LRMDA: variants seen among roughly 807,000 people sequenced by gnomAD.
LRMDA encodes the protein leucine-rich melanocyte differentiation-associated protein.
LRMDA carries 18 observed loss-of-function variants against 29.8 expected under a neutral mutation model. That is an observed-to-expected ratio of 0.60 (90% CI 0.42 to 0.90). The LOEUF is 0.90. LRMDA is among the 40% of genes least tolerant of loss of function. The pLI, the probability that LRMDA is intolerant of heterozygous loss-of-function variation, is 0.00. For missense variants in LRMDA, 273 were observed against 273.9 expected (o/e 1.00, Z 0.02); for synonymous variants, 125 against 109.4 (o/e 1.14, Z -0.89).
At chr10:75,513,466 T>C (rs1845251484) in intron 2 of LRMDA, among the ~76,000 whole-genome samples, 1 of 152,206 alleles carries the variant, frequency 6.6e-6, no homozygotes. Flanking sequence ...GGGTCTTTTA[T>C]ATGGCTGTGT....
At chr10:76,176,239 G>A (rs1162306753) in intron 5 of LRMDA, among the ~76,000 whole-genome samples, 1 of 152,174 alleles carries the variant, frequency 6.6e-6, no homozygotes, top group African/African-American at 2.4e-5. Context: ...TCCTGTACCA[G>A]CTTGGCATCC....
intron 2 of LRMDA, among the ~76,000 whole-genome samples, chr10:75,511,343 A>G (rs1046531857): frequency 3.3e-5 from 5 of 152,126 alleles, no homozygotes; most frequent in Non-Finnish European, 7.4e-5. Flanking sequence ...TCAAAAAAAC[A>G]ACAAAAAACC....
chr10:76,539,469 G>A (rs1907310), intron 6 of LRMDA, among the ~76,000 whole-genome samples: 117,674 of 152,036 alleles, frequency 0.77, 46,018 homozygotes, highest in Non-Finnish European at 0.82. Context: ...AGGAACTGGA[G>A]CTGCAAACTT....
intron 6 of LRMDA, among the ~76,000 whole-genome samples, chr10:76,435,378 C>T (rs923819291): frequency 3.9e-5 from 6 of 152,186 alleles, no homozygotes; most frequent in Non-Finnish European, 8.8e-5. Flanking sequence ...TGCTTAGATT[C>T]AGACAGGCCA....
chr10:76,436,762 A>C (rs1842249109), intron 6 of LRMDA, among the ~76,000 whole-genome samples: 1 of 152,172 alleles, frequency 6.6e-6, no homozygotes, highest in Non-Finnish European at 1.5e-5. Flanking sequence ...AATGCTGACA[A>C]GTATTCAGTA....
At chr10:76,067,670 C>T (rs1409269923) in intron 5 of LRMDA, among the ~76,000 whole-genome samples, 1 of 152,160 alleles carries the variant, frequency 6.6e-6, no homozygotes, top group South Asian at 2.1e-4. Context: ...CCAGCCCACC[C>T]CTCCCAATTC....
intron 2 of LRMDA, among the ~76,000 whole-genome samples, chr10:75,889,625 C>G (rs1845449853): frequency 6.6e-6 from 1 of 152,174 alleles, no homozygotes; most frequent in Non-Finnish European, 1.5e-5. Context: ...CAGCACACGC[C>G]TAGAACTGGC....
intron 2 of LRMDA, among the ~76,000 whole-genome samples, chr10:75,529,992 G>A (rs973772382): frequency 2.0e-5 from 3 of 151,938 alleles, no homozygotes; most frequent in African/African-American, 2.4e-5. Context: ...GATGGTGGAA[G>A]GAGAAATGAG....
intron 1 of LRMDA, among the ~76,000 whole-genome samples, chr10:75,432,889 G>C (rs1406659058): frequency 6.6e-6 from 1 of 152,128 alleles, no homozygotes; most frequent in Non-Finnish European, 1.5e-5. Flanking sequence ...CACCATGCCA[G>C]GTGTTGTTGG....
At chr10:75,948,500 G>A (rs556042474) in intron 2 of LRMDA, among the ~76,000 whole-genome samples, 1 of 152,294 alleles carries the variant, frequency 6.6e-6, no homozygotes, top group Non-Finnish European at 1.5e-5. Flanking sequence ...TGTTGTTGGT[G>A]CTGATTAAGG....
chr10:75,633,078 C>T (rs1841348114), intron 2 of LRMDA, among the ~76,000 whole-genome samples: 1 of 151,830 alleles, frequency 6.6e-6, no homozygotes, highest in Non-Finnish European at 1.5e-5. Context: ...AGCTGTCTCC[C>T]AAGGCATTGA....
chr10:75,605,576 C>T (rs1840945876), intron 2 of LRMDA, among the ~76,000 whole-genome samples: 1 of 152,222 alleles, frequency 6.6e-6, no homozygotes, highest in Non-Finnish European at 1.5e-5. Context: ...GACAGCAGGA[C>T]CCTTGTCCTA....
rs181242787 is a variant in LRMDA, at chr10:75,769,668, T to C, written c.132-266340T>C. ...TTTGTATCAAGTATCTGTTACCTTA[T>C]TTTAAAAAAATTTTAACATATCAAA... On this transcript the variant is annotated intron_variant, in intron 2 of 6. Coordinates refer to ENST00000611255, the MANE Select transcript of LRMDA (RefSeq NM_001305581.2). 2.6e-3 allele frequency among the ~76,000 whole-genome samples: 399 copies of C among 152,352 alleles called. No homozygotes were observed. In the Middle Eastern group the frequency reaches 0.027, roughly 10 times the overall value.
intron 5 of LRMDA, among the ~76,000 whole-genome samples, chr10:76,123,411 AG>A: frequency 6.6e-6 from 1 of 151,712 alleles, no homozygotes; most frequent in Non-Finnish European, 1.5e-5. Context: ...TGGGAGACTA[AG>A]GTGGGAGGAT....
At chr10:76,203,257 C>T (rs1193671239) in intron 5 of LRMDA, among the ~76,000 whole-genome samples, 1 of 152,170 alleles carries the variant, frequency 6.6e-6, no homozygotes, top group African/African-American at 2.4e-5. Flanking sequence ...TCAGCTTCTT[C>T]ACTTGTAAAA....
chr10:75,625,465 T>G (rs781479589), intron 2 of LRMDA, among the ~76,000 whole-genome samples: 20 of 152,162 alleles, frequency 1.3e-4, no homozygotes, highest in Admixed American at 3.3e-4. Context: ...TTCTCAAGAC[T>G]CCAGGCTGAT....
intron 2 of LRMDA, among the ~76,000 whole-genome samples, chr10:75,679,181 T>C (rs1333624767): frequency 6.6e-6 from 1 of 152,224 alleles, no homozygotes; most frequent in African/African-American, 2.4e-5. Flanking sequence ...TTCTACCCAC[T>C]GCTCCTGATT....
In LRMDA at chr10:76,007,385, C is replaced by T. The variant is rs144533914; in HGVS notation, c.132-28623C>T. On this transcript the variant is annotated intron_variant, in intron 2 of 6. Coordinates refer to ENST00000611255, the MANE Select transcript of LRMDA (RefSeq NM_001305581.2). Reference sequence around the variant, plus strand: ...TCCAGGCATGTCAACTTCACTCTGGCACAATTTGCTTTGAGATCTGTGGCA... The same window carrying T: ...TCCAGGCATGTCAACTTCACTCTGGTACAATTTGCTTTGAGATCTGTGGCA... Among the ~76,000 whole-genome samples the T allele has an allele frequency of 4.9e-4, 75 of 152,240 alleles. No homozygotes were observed. In the East Asian group the frequency reaches 0.014, roughly 28 times the overall value.
chr10:75,771,334 TA>T (rs1195438658), intron 2 of LRMDA, among the ~76,000 whole-genome samples: 1 of 152,020 alleles, frequency 6.6e-6, no homozygotes, highest in Non-Finnish European at 1.5e-5. Context: ...TAACACCTAC[TA>T]AGTATATGTA....
Sources: gnomAD v4.1 joint callset for allele counts (sites outside exome capture counted in the v4.1 genomes callset) on GRCh38, gnomAD v4.1.1 for gene constraint, MANE v1.5 for transcripts, NCBI Gene and HGNC (gene_info 2026-07-23, HGNC 2026-07-21) for gene names.